Variants in SAMMSON observed in about 807,000 individuals in gnomAD.
The protein encoded by SAMMSON is survival associated mitochondrial melanoma specific oncogenic non-coding RNA.
intron 4 of SAMMSON, among the ~76,000 whole-genome samples, chr3:70,137,417 T>C (rs1405629291): frequency 2.6e-5 from 4 of 152,196 alleles, no homozygotes; most frequent in Non-Finnish European, 5.9e-5. Context: ...GGGGGAAAAT[T>C]AGAAGAATAG....
At chr3:70,369,640 A>G (rs1702949788) in intron 9 of SAMMSON, among the ~76,000 whole-genome samples, 1 of 151,708 alleles carries the variant, frequency 6.6e-6, no homozygotes, top group Admixed American at 6.6e-5. Flanking sequence ...GTTTCTTGTA[A>G]TTAAGTATTG....
chr3:70,207,936 G>C (rs1159026392), intron 4 of SAMMSON, among the ~76,000 whole-genome samples: 1 of 152,082 alleles, frequency 6.6e-6, no homozygotes, highest in Non-Finnish European at 1.5e-5. Context: ...ACAAGCGCTG[G>C]GCTGTATATT....
chr3:70,174,563 A>G (rs1700995521), intron 4 of SAMMSON, among the ~76,000 whole-genome samples: 1 of 152,064 alleles, frequency 6.6e-6, no homozygotes, highest in African/African-American at 2.4e-5. Flanking sequence ...ACCATTAATT[A>G]TAAGAAAAAA....
At chr3:70,034,749 C>A (rs1013104328) in intron 3 of SAMMSON, among the ~76,000 whole-genome samples, 1 of 152,224 alleles carries the variant, frequency 6.6e-6, no homozygotes, top group East Asian at 1.9e-4. Flanking sequence ...GAGGCTGAGG[C>A]AGGTGAATTG....
rs144848377 is a variant in SAMMSON, at chr3:70,423,536, A to C, written n.234-39024A>C. On this transcript the variant is annotated intron_variant and non_coding_transcript_variant, in intron 2 of 3. Transcript: ENST00000641053. ...AAATAAAAACAAGCATTGAACTTCCAATCAGTGATGATAATTTAATTTCTC... is the reference window on the plus strand; with the variant it reads ...AAATAAAAACAAGCATTGAACTTCCCATCAGTGATGATAATTTAATTTCTC... Among the ~76,000 whole-genome samples, 415 of 152,312 alleles carry C rather than the reference A, an allele frequency of 2.7e-3. 2 individuals carry two copies. The highest frequency in any genetic ancestry group is 9.2e-3 in the African/African-American group (383 of 41,578).
At chr3:70,035,216 C>T (rs1184694959) in intron 3 of SAMMSON, among the ~76,000 whole-genome samples, 4 of 152,112 alleles carry the variant, frequency 2.6e-5, no homozygotes, top group African/African-American at 9.7e-5. Flanking sequence ...TGGAGGACTG[C>T]CTCAGCCCTA....
chr3:70,161,590 A>G (rs147564116), intron 4 of SAMMSON, among the ~76,000 whole-genome samples: 377 of 151,968 alleles, frequency 2.5e-3, no homozygotes, highest in Non-Finnish European at 4.0e-3. Context: ...GGATTTTTGT[A>G]TCTATATTCA....
intron 9 of SAMMSON, among the ~76,000 whole-genome samples, chr3:70,387,994 T>C (rs1470078303): frequency 6.6e-6 from 1 of 152,116 alleles, no homozygotes; most frequent in Non-Finnish European, 1.5e-5. Flanking sequence ...TTTGGTTTTG[T>C]TTGTTTGTTA....
intron 4 of SAMMSON, among the ~76,000 whole-genome samples, chr3:70,190,874 A>G (rs948413727): frequency 2.6e-4 from 39 of 152,278 alleles, no homozygotes; most frequent in African/African-American, 7.9e-4. Context: ...TGCCATGCCC[A>G]CATTGGCAAT....
chr3:70,135,679 T>A (rs1201690437), intron 4 of SAMMSON, among the ~76,000 whole-genome samples: 1 of 152,216 alleles, frequency 6.6e-6, no homozygotes, highest in Non-Finnish European at 1.5e-5. Flanking sequence ...GTGCATATCC[T>A]TCTAGTCTTT....
At chr3:70,372,849 G>A (rs1702982259) in intron 9 of SAMMSON, among the ~76,000 whole-genome samples, 4 of 152,054 alleles carry the variant, frequency 2.6e-5, no homozygotes, top group Admixed American at 2.6e-4. Flanking sequence ...TGTATTTTAT[G>A]TACATAACTT....
chr3:70,333,920 G>A (rs761837197), intron 7 of SAMMSON, among the ~76,000 whole-genome samples: 47 of 152,184 alleles, frequency 3.1e-4, no homozygotes, highest in Non-Finnish European at 6.2e-4. Flanking sequence ...GGTTGACAAT[G>A]ACTTTCTCAC....
In SAMMSON at chr3:70,321,486, G is replaced by A. The variant is rs568376626; in HGVS notation, n.739+30243G>A. Among the ~76,000 whole-genome samples, 10 of 152,036 alleles carry A rather than the reference G, an allele frequency of 6.6e-5. No individual in the cohort carries two copies. In the East Asian group the frequency reaches 1.7e-3, roughly 27 times the overall value. ...TACTACAATTTTGTCATCCATTCCC[G>A]TTAATGGATATTTGGGTGGTTTCCA... On this transcript the variant is annotated intron_variant and non_coding_transcript_variant, in intron 7 of 9. Transcript: ENST00000642114.
intron 2 of SAMMSON, among the ~76,000 whole-genome samples, chr3:70,405,727 C>T (rs1701172524): frequency 6.6e-6 from 1 of 152,206 alleles, no homozygotes; most frequent in South Asian, 2.1e-4. Context: ...GTCGAATCTG[C>T]ATGTAGCTGG....
At chr3:70,143,051 A>G (rs963715179) in intron 4 of SAMMSON, among the ~76,000 whole-genome samples, 1 of 152,198 alleles carries the variant, frequency 6.6e-6, no homozygotes, top group African/African-American at 2.4e-5. Flanking sequence ...AGCACTTTAA[A>G]TCATTGAGAC....
At chr3:70,319,076 A>G (rs890890524) in intron 7 of SAMMSON, among the ~76,000 whole-genome samples, 3 of 152,198 alleles carry the variant, frequency 2.0e-5, no homozygotes, top group Admixed American at 1.3e-4. Context: ...TTCAAGTCTC[A>G]TCCTTTGTAT....
At chr3:70,247,793 A>T (rs1158651885) in intron 4 of SAMMSON, among the ~76,000 whole-genome samples, 2 of 152,044 alleles carry the variant, frequency 1.3e-5, no homozygotes, top group African/African-American at 4.8e-5. Flanking sequence ...GGAAGATTCA[A>T]GGTTTCAAAC....
intron 1 of SAMMSON, among the ~76,000 whole-genome samples, chr3:70,011,448 G>C (rs915720201): frequency 6.6e-5 from 10 of 152,012 alleles, no homozygotes; most frequent in Admixed American, 2.6e-4. Flanking sequence ...TGTGGGTAAG[G>C]AGAGTTTGTT....
chr3:70,326,869 T>C (rs1258181656), intron 7 of SAMMSON, among the ~76,000 whole-genome samples: 5 of 152,174 alleles, frequency 3.3e-5, no homozygotes, highest in Non-Finnish European at 7.4e-5. Flanking sequence ...AATATATATA[T>C]ATTTTTTGAG....
Sources: allele counts gnomAD v4.1 joint callset (sites outside exome capture counted in the v4.1 genomes callset), GRCh38; gene constraint gnomAD v4.1.1; transcripts MANE v1.5; gene names NCBI Gene and HGNC (gene_info 2026-07-23, HGNC 2026-07-21).